CDH4: variants seen among roughly 807,000 people sequenced by gnomAD.
CDH4 encodes cadherin-4.
Under a neutral mutation model 86.0 loss-of-function variants are expected in CDH4, and 33 were observed. That is an observed-to-expected ratio of 0.38 (90% confidence interval 0.29 to 0.51). The LOEUF is 0.51. CDH4 is among the 20% of genes least tolerant of loss of function. The pLI is 0.86. For synonymous variants in CDH4, 555 were observed against 549.4 expected, an observed-to-expected ratio of 1.01 and a Z score of -0.14; for missense variants, 1,114 against 1,307.4, an observed-to-expected ratio of 0.85 and a Z score of 2.28.
intron 11 of CDH4, among the ~76,000 whole-genome samples, chr20:61,927,011 C>T (rs2055052234): frequency 6.6e-6 from 1 of 152,220 alleles, no homozygotes; most frequent in Admixed American, 6.5e-5. Context: ...CAGAACCTGT[C>T]TGTGCTTCTC....
chr20:61,335,098 A>G (rs2084610030), intron 2 of CDH4, among the ~76,000 whole-genome samples: 2 of 152,314 alleles, frequency 1.3e-5, no homozygotes, highest in South Asian at 2.1e-4. Context: ...GTTGTTCAGC[A>G]TGAGCCACTT....
intron 2 of CDH4, among the ~76,000 whole-genome samples, chr20:61,577,495 G>A (rs1189198013): frequency 6.6e-6 from 1 of 152,220 alleles, no homozygotes; most frequent in Admixed American, 6.5e-5. Flanking sequence ...TAGATCTTTT[G>A]CATGTTGAAG....
intron 2 of CDH4, among the ~76,000 whole-genome samples, chr20:61,716,495 A>C (rs916414655): frequency 6.6e-6 from 1 of 152,194 alleles, no homozygotes; most frequent in Non-Finnish European, 1.5e-5. Context: ...TGGAGGTCTG[A>C]GTGCTGCTTT....
intron 2 of CDH4, chr20:61,499,378 T>C: frequency 9.0e-7 from 1 of 1,115,582 alleles, no homozygotes; most frequent in Non-Finnish European, 1.2e-6. Flanking sequence ...TGCTCTGCCC[T>C]GTTAAAGGTT....
chr20:61,324,241 C>T (rs528637577), intron 2 of CDH4, among the ~76,000 whole-genome samples: 2 of 152,212 alleles, frequency 1.3e-5, no homozygotes, highest in African/African-American at 4.8e-5. Context: ...GTATGTGGTA[C>T]AGTCCAGGAA....
chr20:61,738,252 T>G (rs886677330), intron 2 of CDH4: 3 of 152,198 alleles, frequency 2.0e-5, no homozygotes, highest in Non-Finnish European at 4.4e-5. Context: ...CTGTCTCTTG[T>G]CAAGTTTGTT....
intron 2 of CDH4, among the ~76,000 whole-genome samples, chr20:61,652,938 A>ATTTTTATTTT (rs2087138479): frequency 5.1e-5 from 5 of 97,402 alleles, no homozygotes; most frequent in Admixed American, 1.1e-4. Flanking sequence ...TTATTTATTT[A>ATTTTTATTTT]TTTTTTTTTT....
At chr20:61,442,918 G>T (rs537134618) in intron 2 of CDH4, among the ~76,000 whole-genome samples, 1 of 152,314 alleles carries the variant, frequency 6.6e-6, no homozygotes, top group East Asian at 1.9e-4. Flanking sequence ...GTGCATTGAA[G>T]GTTGTTTAAC....
chr20:61,922,818 T>A (rs1338479864), intron 9 of CDH4, among the ~76,000 whole-genome samples: 1 of 152,216 alleles, frequency 6.6e-6, no homozygotes, highest in Non-Finnish European at 1.5e-5. Flanking sequence ...TGCAATGGTG[T>A]GATCACAGTG....
At chr20:61,591,603 A>G (rs2086519773) in intron 2 of CDH4, among the ~76,000 whole-genome samples, 1 of 152,220 alleles carries the variant, frequency 6.6e-6, no homozygotes, top group Non-Finnish European at 1.5e-5. Flanking sequence ...TGTTACTTCA[A>G]AAGTCAACAA....
At chr20:61,645,592 T>G (rs1049865397) in intron 2 of CDH4, among the ~76,000 whole-genome samples, 1 of 150,828 alleles carries the variant, frequency 6.6e-6, no homozygotes, top group African/African-American at 2.4e-5. Flanking sequence ...GTCACACCAC[T>G]GTACTGCAGC....
chr20:61,279,879 G>A (rs1198740682), intron 2 of CDH4, among the ~76,000 whole-genome samples: 2 of 152,174 alleles, frequency 1.3e-5, no homozygotes, highest in African/African-American at 4.8e-5. Flanking sequence ...GGATTTCTGT[G>A]AGCCTGCCCT....
intron 2 of CDH4, among the ~76,000 whole-genome samples, chr20:61,603,576 G>T (rs897424628): frequency 1.3e-5 from 2 of 152,172 alleles, no homozygotes; most frequent in Non-Finnish European, 2.9e-5. Flanking sequence ...GAGCAGAAGG[G>T]CCCATCCCGG....
chr20:61,789,277 G>A (rs1034849405), intron 4 of CDH4, among the ~76,000 whole-genome samples: 2 of 152,162 alleles, frequency 1.3e-5, no homozygotes, highest in African/African-American at 4.8e-5. Context: ...TTCGGCTTTT[G>A]GGCTTCTGAG....
chr20:61,350,642 G>T (rs1206183581), intron 2 of CDH4, among the ~76,000 whole-genome samples: 2 of 137,884 alleles, frequency 1.5e-5, no homozygotes, highest in Non-Finnish European at 3.1e-5. Context: ...GCAGATCCCT[G>T]CCCTCTCCCA....
chr20:61,440,689 C>T (rs1051600800), intron 2 of CDH4, among the ~76,000 whole-genome samples: 3 of 152,158 alleles, frequency 2.0e-5, no homozygotes, highest in East Asian at 1.9e-4. Context: ...GATGTGAATC[C>T]GGGGAACCAG....
At chr20:61,375,975 A>G (rs139629950) in intron 2 of CDH4, among the ~76,000 whole-genome samples, 341 of 4,658 alleles carry the variant, frequency 0.073, 10 homozygotes, top group Middle Eastern at 0.19. Context: ...TGGTGATGGT[A>G]TGGTTTGTTG....
chr20:61,929,525 G>A (rs935356356), intron 12 of CDH4, 84 bp from the exon 13 acceptor site: 8 of 991,128 alleles, frequency 8.1e-6, no homozygotes, highest in African/African-American at 3.2e-5. Flanking sequence ...CCATGCCATC[G>A]GACTTTTAGT....
chr20:61,625,852 A>G (rs575234619), intron 2 of CDH4, among the ~76,000 whole-genome samples: 2 of 152,336 alleles, frequency 1.3e-5, no homozygotes, highest in South Asian at 2.1e-4. Flanking sequence ...ACTGTGACCT[A>G]CCAGGGTCTA....
Sources: allele counts gnomAD v4.1 joint callset (sites outside exome capture counted in the v4.1 genomes callset), GRCh38; gene constraint gnomAD v4.1.1; transcripts MANE v1.5; gene names NCBI Gene and HGNC (gene_info 2026-07-23, HGNC 2026-07-21).